Variants in CALN1 observed in about 807,000 individuals in gnomAD.
CALN1 encodes calcium-binding protein 8.
Under a neutral mutation model 30.6 loss-of-function variants are expected in CALN1, and 17 were observed. The ratio of observed to expected loss-of-function variants is 0.56; its 90% CI spans 0.38 to 0.83. The LOEUF (loss-of-function observed/expected upper bound fraction) is 0.83. CALN1 is among the 40% of genes least tolerant of loss of function. The pLI, the probability that CALN1 is intolerant of heterozygous loss-of-function variation, is 0.00. For synonymous variants in CALN1, 156 were observed against 131.4 expected (o/e 1.19, Z -1.28); for missense variants, 291 against 354.9 (o/e 0.82, Z 1.45).
At chr7:72,068,295 T>C (rs1173011338) in intron 4 of CALN1, among the ~76,000 whole-genome samples, 3 of 152,262 alleles carry the variant, frequency 2.0e-5, no homozygotes, top group Admixed American at 6.5e-5. Flanking sequence ...TTCTTAATTT[T>C]AGATGAGAAA....
At chr7:72,337,445 T>C (rs963022819) in intron 2 of CALN1, 22 of 192,178 alleles carry the variant, frequency 1.1e-4, no homozygotes, top group Non-Finnish European at 2.1e-4. Context: ...CACACACGCA[T>C]GCACATGCAC....
intron 5 of CALN1, among the ~76,000 whole-genome samples, chr7:71,822,079 T>C (rs183999284): frequency 3.9e-5 from 6 of 152,138 alleles, no homozygotes; most frequent in African/African-American, 1.2e-4. Flanking sequence ...TTTCTTTTGG[T>C]TTTTAAACTT....
chr7:71,902,647 G>A (rs1279467950), intron 5 of CALN1, among the ~76,000 whole-genome samples: 5 of 152,078 alleles, frequency 3.3e-5, no homozygotes, highest in African/African-American at 9.7e-5. Flanking sequence ...GTATCTACCC[G>A]AAGGAAAATA....
At chr7:72,397,507 G>A (rs1311086140) in intron 2 of CALN1, among the ~76,000 whole-genome samples, 2 of 152,168 alleles carry the variant, frequency 1.3e-5, no homozygotes, top group South Asian at 4.1e-4. Flanking sequence ...TGAATAAGCT[G>A]CTAGGGAATT....
At chr7:72,492,454 A>T in the CALN1 span, among the ~76,000 whole-genome samples, 71 of 152,142 alleles carry the variant, frequency 4.7e-4, no homozygotes, top group Non-Finnish European at 8.5e-4. Context: ...ACCCTTTGGG[A>T]GGTGCTTACT....
intron 2 of CALN1, among the ~76,000 whole-genome samples, chr7:72,357,392 A>G (rs758459457): frequency 1.3e-5 from 2 of 151,998 alleles, no homozygotes; most frequent in Non-Finnish European, 2.9e-5. Flanking sequence ...GCCAATGTTA[A>G]TGAGTCCCAG....
the CALN1 span, among the ~76,000 whole-genome samples, chr7:72,459,400 T>G: frequency 6.6e-6 from 1 of 152,170 alleles, no homozygotes; most frequent in Non-Finnish European, 1.5e-5. Flanking sequence ...TATGATTTAT[T>G]AATTTTTCTC....
chr7:72,397,011 A>C (rs1806008973), intron 2 of CALN1, among the ~76,000 whole-genome samples: 1 of 152,050 alleles, frequency 6.6e-6, no homozygotes, highest in Non-Finnish European at 1.5e-5. Context: ...CCTGGGCTCA[A>C]GCAATCCTCC....
At chr7:72,288,119 C>T (rs181505420) in intron 2 of CALN1, among the ~76,000 whole-genome samples, 37 of 152,236 alleles carry the variant, frequency 2.4e-4, no homozygotes, top group Admixed American at 7.8e-4. Flanking sequence ...CCTCTGATTG[C>T]GGTCAAGACA....
intron 5 of CALN1, among the ~76,000 whole-genome samples, chr7:71,864,549 T>C (rs1460526617): frequency 5.3e-5 from 8 of 152,154 alleles, no homozygotes; most frequent in Admixed American, 4.6e-4. Flanking sequence ...GAGCTCCAAA[T>C]AGGCATCCCA....
intron 5 of CALN1, among the ~76,000 whole-genome samples, chr7:71,988,870 T>C (rs896896299): frequency 2.6e-5 from 4 of 152,120 alleles, no homozygotes; most frequent in African/African-American, 9.7e-5. Context: ...ATCCTCACAA[T>C]GACCTTGTCA....
At chr7:71,879,238 G>GT (rs757037679) in intron 5 of CALN1, among the ~76,000 whole-genome samples, 3 of 152,118 alleles carry the variant, frequency 2.0e-5, no homozygotes, top group East Asian at 3.8e-4. Context: ...ACTGAGATAT[G>GT]TTTTTTTCTC....
Position 72,176,107 on chromosome 7 carries a change from A to G in CALN1, c.245-69813T>C, listed in dbSNP as rs2129545736. Among the ~76,000 whole-genome samples the G allele has an allele frequency of 1.3e-5, 2 of 152,286 alleles. 1 individual carries two copies. Among genetic ancestry groups the G allele is most frequent in the South Asian group, 4.1e-4 (2 of 4,822 alleles). On this transcript the variant is annotated intron_variant, in intron 3 of 6. Coordinates refer to ENST00000395275, the MANE Select transcript of CALN1 (RefSeq NM_031468.4). ...AAGCTCTTCCACCCTGAACCCTTAA[A>G]AACTCTTAATCTGTAAGAGAGAGCA...
chr7:71,877,771 T>G (rs184286654), intron 5 of CALN1, among the ~76,000 whole-genome samples: 12 of 152,344 alleles, frequency 7.9e-5, no homozygotes, highest in Non-Finnish European at 1.6e-4. Context: ...ACAGACTGTT[T>G]TAATGGAATG....
At chr7:72,209,537 TCCGC>T (rs1792231827) in intron 3 of CALN1, among the ~76,000 whole-genome samples, 1 of 94,576 alleles carries the variant, frequency 1.1e-5, no homozygotes, top group Non-Finnish European at 2.4e-5. Flanking sequence ...CCTCCCTCTC[TCCGC>T]CCTCCGTTCC....
At chr7:72,038,285 TG>T (rs2129533367) in intron 4 of CALN1, among the ~76,000 whole-genome samples, 2 of 152,282 alleles carry the variant, frequency 1.3e-5, no homozygotes, top group South Asian at 4.1e-4. Context: ...AAGCTTCTCC[TG>T]GAAGTTTCAG....
At chr7:71,924,503 G>A (rs1238517671) in intron 5 of CALN1, among the ~76,000 whole-genome samples, 1 of 152,040 alleles carries the variant, frequency 6.6e-6, no homozygotes, top group East Asian at 1.9e-4. Flanking sequence ...TGAAGAACCA[G>A]AACACACCCA....
chr7:72,284,302 T>C (rs1797926504), intron 2 of CALN1, among the ~76,000 whole-genome samples: 1 of 152,164 alleles, frequency 6.6e-6, no homozygotes, highest in African/African-American at 2.4e-5. Context: ...CTCTAAAAAG[T>C]TAATTAAATA....
At chr7:72,355,576 A>G (rs566057125) in intron 2 of CALN1, among the ~76,000 whole-genome samples, 1 of 152,310 alleles carries the variant, frequency 6.6e-6, no homozygotes, top group East Asian at 1.9e-4. Context: ...CCAAGTCATA[A>G]AAGAAAAATT....
Sources: gnomAD v4.1 joint callset for allele counts (sites outside exome capture counted in the v4.1 genomes callset) on GRCh38, gnomAD v4.1.1 for gene constraint, MANE v1.5 for transcripts, NCBI Gene and HGNC (gene_info 2026-07-23, HGNC 2026-07-21) for gene names.